The following PAG1 variants were observed in gnomAD, a reference collection of about 807,000 sequenced individuals.
PAG1 encodes phosphoprotein membrane anchor with glycosphingolipid microdomains 1.
PAG1 carries 23 observed loss-of-function variants against 31.7 expected under a neutral mutation model. The ratio of observed to expected loss-of-function variants is 0.73; its 90% CI spans 0.52 to 1.03. The LOEUF is 1.03. PAG1 is among the 50% of genes least tolerant of loss of function. The pLI is 0.00. For missense variants in PAG1, 473 were observed against 540.7 expected, an observed-to-expected ratio of 0.87 and a Z score of 1.24; for synonymous variants, 214 against 210.3, an observed-to-expected ratio of 1.02 and a Z score of -0.15.
chr8:81,037,159 C>G (rs1176813063), intron 2 of PAG1: 1 of 152,138 alleles, frequency 6.6e-6, no homozygotes, highest in Non-Finnish European at 1.5e-5. Flanking sequence ...TTAATGAAAA[C>G]TCTGTAATCT....
chr8:80,981,852 A>G (rs1807309531), intron 7 of PAG1, among the ~76,000 whole-genome samples: 1 of 132,940 alleles, frequency 7.5e-6, no homozygotes. Flanking sequence ...CCTACTCATT[A>G]TCTCACTTCC....
At chr8:81,075,407 T>G (rs1809160085) in intron 1 of PAG1, among the ~76,000 whole-genome samples, 1 of 152,224 alleles carries the variant, frequency 6.6e-6, no homozygotes, top group African/African-American at 2.4e-5. Flanking sequence ...AAAATGAGTG[T>G]GACATTTTCA....
At chr8:80,993,599 C>CTT (rs56960149) in intron 3 of PAG1, among the ~76,000 whole-genome samples, 4 of 135,936 alleles carry the variant, frequency 2.9e-5, no homozygotes, top group Non-Finnish European at 3.2e-5. Flanking sequence ...TCTTCTTGTT[C>CTT]TTTTTTTTTT....
rs774532484 is a variant in PAG1, at chr8:80,990,788, G to A, written c.177+691C>T. Among the ~76,000 whole-genome samples, 1 of 152,162 alleles carries A rather than the reference G, an allele frequency of 6.6e-6. No individual in the cohort carries two copies. Among genetic ancestry groups the A allele is most frequent in the South Asian group, 2.1e-4 (1 of 4,820 alleles). ...GCTCCCTCCAGCTTAATGACCTGTTGTTATGGGTTGAACTGTGTCTCTCCA... is the reference window on the plus strand; with the variant it reads ...GCTCCCTCCAGCTTAATGACCTGTTATTATGGGTTGAACTGTGTCTCTCCA... On this transcript the variant is annotated intron_variant, in intron 5 of 8. Coordinates refer to ENST00000220597, the MANE Select transcript of PAG1 (RefSeq NM_018440.4). The surrounding 1 kb of genome is among the most constrained non-coding windows in gnomAD (Gnocchi z 5.1).
chr8:80,978,572 G>C (rs1472750721), intron 8 of PAG1, among the ~76,000 whole-genome samples: 1 of 152,144 alleles, frequency 6.6e-6, no homozygotes, highest in Admixed American at 6.5e-5. Context: ...ACCACCGTTA[G>C]CTTCTCTCCT....
intron 1 of PAG1, among the ~76,000 whole-genome samples, chr8:81,101,618 A>G (rs968727712): frequency 3.3e-5 from 5 of 152,206 alleles, no homozygotes; most frequent in African/African-American, 9.6e-5. Context: ...TGGCAAAAAT[A>G]TTTATATTTT....
Position 80,993,136 on chromosome 8 carries a change from G to T in PAG1, c.92C>A (p.Thr31Asn). 1 of 1,613,886 alleles carries T rather than the reference G, an allele frequency of 6.2e-7. No homozygotes were observed. Among genetic ancestry groups the T allele is most frequent in the Non-Finnish European group, 8.5e-7 (1 of 1,179,894 alleles). ...LAAVAIFFVI[T>N]FLIFLCSSCD... ...ACTAGAGCACAGGAAGATGAGGAAG[G>T]TGATGACGAAGAAAATGGCGACAGC... Residue 31 changes from threonine (T) to asparagine (N), a missense_variant, in exon 4 of 9, where the codon ACC becomes AAC. Thr to Asn is a moderately conservative substitution (Grantham distance 65, BLOSUM62 0). Transcript: ENST00000220597.
At chr8:81,074,008 C>T (rs1809135522) in intron 1 of PAG1, among the ~76,000 whole-genome samples, 1 of 152,186 alleles carries the variant, frequency 6.6e-6, no homozygotes, top group Admixed American at 6.5e-5. Context: ...GCTTCCACAC[C>T]CACTGAGGGG....
Position 81,021,879 on chromosome 8 carries a change from G to C in PAG1, c.-81+8117C>G, listed in dbSNP as rs1808178833. Among the ~76,000 whole-genome samples the C allele has an allele frequency of 2.6e-5, 4 of 152,132 alleles. No individual in the cohort carries two copies. The South Asian group carries it at 8.3e-4, about 31-fold the overall frequency. ...GTAATAAAAGTCAGTTCACATAGAA[G>C]CATGGTAACGCAGAAGAAAGAAAAA... On this transcript the variant is annotated intron_variant, in intron 3 of 8. Transcript: ENST00000220597.
intron 1 of PAG1, among the ~76,000 whole-genome samples, chr8:81,089,909 T>C (rs1809419196): frequency 6.6e-6 from 1 of 152,160 alleles, no homozygotes; most frequent in South Asian, 2.1e-4. Context: ...TGCATTAAAA[T>C]TATAGATTAA....
chr8:81,020,232 G>A (rs574482241), intron 3 of PAG1, among the ~76,000 whole-genome samples: 2 of 152,292 alleles, frequency 1.3e-5, no homozygotes, highest in African/African-American at 4.8e-5. Flanking sequence ...GTGGACTTTT[G>A]AGGTGATGCT....
At chr8:81,013,969 T>C (rs774310849) in intron 3 of PAG1, among the ~76,000 whole-genome samples, 1 of 152,230 alleles carries the variant, frequency 6.6e-6, no homozygotes, top group Non-Finnish European at 1.5e-5. Flanking sequence ...CAGGGATCTC[T>C]GAGATCTCTG....
In PAG1 at chr8:80,987,411, G is replaced by A. The variant is rs1226435150; in HGVS notation, c.233C>T (p.Pro78Leu). The change falls in exon 6 of 9, where the codon CCT becomes CTT. Residue 78 changes from proline (P) to leucine (L), a missense_variant. Coordinates refer to ENST00000220597, the MANE Select transcript of PAG1 (RefSeq NM_018440.4). Reference sequence around the variant, plus strand: ...TGCCCCATTCTGCTCACTGCTGGCAGGAGCATCTGTTGCCAGGCTAGTAAC... The same window carrying A: ...TGCCCCATTCTGCTCACTGCTGGCAAGAGCATCTGTTGCCAGGCTAGTAAC... Reference protein sequence around the residue: ...RSVTSLATDAPASSEQNGALT... With the variant: ...RSVTSLATDALASSEQNGALT... 1.9e-6 allele frequency: 3 copies of A among 1,613,838 alleles called. No individual in the cohort carries two copies. Among genetic ancestry groups the A allele is most frequent in the Admixed American group, 3.3e-5 (2 of 60,008 alleles).
At chr8:81,089,563 G>C (rs536943843) in intron 1 of PAG1, among the ~76,000 whole-genome samples, 1 of 124,142 alleles carries the variant, frequency 8.1e-6, no homozygotes, top group East Asian at 2.6e-4. Flanking sequence ...GCGAGACTCC[G>C]TCTCAAAAAG....
At chr8:81,057,437 G>A (rs1808843896) in intron 2 of PAG1, among the ~76,000 whole-genome samples, 1 of 151,958 alleles carries the variant, frequency 6.6e-6, no homozygotes, top group Non-Finnish European at 1.5e-5. Context: ...GGATGAAGCT[G>A]AAAACCATCA....
intron 2 of PAG1, among the ~76,000 whole-genome samples, chr8:81,067,080 T>G (rs557341466): frequency 6.6e-6 from 1 of 152,290 alleles, no homozygotes; most frequent in Admixed American, 6.5e-5. Context: ...GAGGATCTCT[T>G]GAGCTCAGGG....
intron 7 of PAG1, among the ~76,000 whole-genome samples, chr8:80,981,490 T>C (rs552994644): frequency 3.9e-5 from 6 of 152,070 alleles, no homozygotes; most frequent in African/African-American, 1.4e-4. Flanking sequence ...CTTCTCCTCT[T>C]CTCCCCAGAC....
chr8:80,972,570 A>C lies in PAG1; in HGVS notation c.*3974T>G, dbSNP rs1807099515. 1 of 152,206 alleles carries C rather than the reference A, an allele frequency of 6.6e-6. No homozygotes were observed. The highest frequency in any genetic ancestry group is 1.5e-5 in the Non-Finnish European group (1 of 68,030). 9.4% of individuals were successfully genotyped at this position (152,206 alleles called of 1,614,324 possible). On this transcript the variant is annotated 3_prime_UTR_variant, in exon 9 of 9. Transcript: ENST00000220597. ...CGTTGTCTTGGCTTCGTCCTGGCTCAAGGTTACTAGTCTCTTGCTGCTTTG... is the reference window on the plus strand; with the variant it reads ...CGTTGTCTTGGCTTCGTCCTGGCTCCAGGTTACTAGTCTCTTGCTGCTTTG...
chr8:81,024,821 A>G (rs1808247382), intron 3 of PAG1, among the ~76,000 whole-genome samples: 1 of 152,218 alleles, frequency 6.6e-6, no homozygotes, highest in Admixed American at 6.5e-5. Context: ...GATTTCACAG[A>G]ATGTATTTTG....
Sources: gnomAD v4.1 joint callset for allele counts (sites outside exome capture counted in the v4.1 genomes callset) on GRCh38, gnomAD v4.1.1 for gene constraint, Gnocchi (gnomAD v3.1) non-coding constraint, MANE v1.5 for transcripts, NCBI Gene and HGNC (gene_info 2026-07-23, HGNC 2026-07-21) for gene names.